Variants in NUF2 observed in about 807,000 individuals in gnomAD.
The protein encoded by NUF2 is NUF2 component of NDC80 kinetochore complex.
In NUF2, 34 loss-of-function variants were observed where a neutral mutation model predicts 61.8. The ratio of observed to expected loss-of-function variants is 0.55; its 90% CI spans 0.42 to 0.73. The LOEUF is 0.73. Ranked by LOEUF, NUF2 falls within the 30% of genes least tolerant of loss-of-function variation. The pLI is 0.00. For synonymous variants in NUF2, 172 were observed against 181.6 expected, an observed-to-expected ratio of 0.95 and a Z score of 0.42; for missense variants, 445 against 539.1, an observed-to-expected ratio of 0.83 and a Z score of 1.73.
intron 13 of NUF2, among the ~76,000 whole-genome samples, chr1:163,350,226 C>T (rs1338434706): frequency 1.3e-5 from 2 of 151,204 alleles, no homozygotes; most frequent in Non-Finnish European, 2.9e-5. Flanking sequence ...GGCGTGAACC[C>T]GGGAGGCAGA....
chr1:163,340,478 A>T (rs766753938), intron 9 of NUF2, 52 bp downstream of exon 9: 3 of 1,350,126 alleles, frequency 2.2e-6, no homozygotes, highest in Non-Finnish European at 3.1e-6. Flanking sequence ...TATTGTGTGG[A>T]GGAGTATTTT....
At chr1:163,336,317 A>G (rs2101676442) in intron 5 of NUF2, among the ~76,000 whole-genome samples, 1 of 152,274 alleles carries the variant, frequency 6.6e-6, no homozygotes, top group South Asian at 2.1e-4. Flanking sequence ...TTGACCCAGC[A>G]AGATGTACAA....
chr1:163,327,110 A>C, intron 2 of NUF2, among the ~76,000 whole-genome samples: 1 of 26,932 alleles, frequency 3.7e-5, no homozygotes, highest in Non-Finnish European at 1.1e-4. Flanking sequence ...ACACACACAC[A>C]CACACACACA....
At chr1:163,354,687 A>G (rs111310529) in intron 13 of NUF2, among the ~76,000 whole-genome samples, 3,347 of 152,234 alleles carry the variant, frequency 0.022, 103 homozygotes, top group African/African-American at 0.068. Context: ...GGTATTATGT[A>G]TATTATAGTT....
At chr1:163,354,844 A>T (rs1651436240) in intron 13 of NUF2, among the ~76,000 whole-genome samples, 1 of 152,078 alleles carries the variant, frequency 6.6e-6, no homozygotes, top group Non-Finnish European at 1.5e-5. Context: ...TAAAATTCTT[A>T]GCACATCCAT....
chr1:163,331,109 C>G (rs1247175768), intron 5 of NUF2, among the ~76,000 whole-genome samples: 2 of 150,132 alleles, frequency 1.3e-5, no homozygotes, highest in Non-Finnish European at 3.0e-5. Context: ...GTCATCATTA[C>G]CTTGTTTCTG....
chr1:163,352,719 A>T (rs1651362737), intron 13 of NUF2, among the ~76,000 whole-genome samples: 1 of 152,152 alleles, frequency 6.6e-6, no homozygotes, highest in Non-Finnish European at 1.5e-5. Flanking sequence ...ACAAAAAATT[A>T]GCCGGGCGTG....
In NUF2 at chr1:163,325,957, C is replaced by G. The variant is rs566945986; in HGVS notation, c.-20-75C>G. Reference sequence around the variant, plus strand: ...ATAGTTCAACTTTGGCTCATTTTGTCATTATGTTTATTAGTTTCCAGATAA... The same window carrying G: ...ATAGTTCAACTTTGGCTCATTTTGTGATTATGTTTATTAGTTTCCAGATAA... On this transcript the variant is annotated intron_variant, in intron 1 of 13. Coordinates refer to ENST00000271452, the MANE Select transcript of NUF2 (RefSeq NM_145697.3). The G allele has an allele frequency of 1.9e-4, 221 of 1,152,402 alleles. 3 individuals are homozygous for G. The South Asian group carries it at 3.0e-3, about 16-fold the overall frequency. 71.4% of individuals were successfully genotyped at this position (1,152,402 alleles called of 1,614,324 possible). A position where few individuals can be genotyped will look rare whatever the true frequency, so the allele number is the denominator to read the frequency against.
In NUF2 at chr1:163,339,467, A is replaced by G; in HGVS notation, c.596A>G (p.His199Arg). The change falls in exon 8 of 14, where the codon CAT becomes CGT. Residue 199 changes from histidine (H) to arginine (R), a missense_variant. Coordinates refer to ENST00000271452, the MANE Select transcript of NUF2 (RefSeq NM_145697.3). ...CAACAATCACTAAATCAGGATTTTC[A>G]TCAAAAAACGGTATCTGTTGTGAGG... ...ELQQSLNQDF[H>R]QKTIVLQEGN... The G allele has an allele frequency of 6.2e-7, 1 of 1,607,096 alleles. No individual in the cohort carries two copies. Among genetic ancestry groups the G allele is most frequent in the Non-Finnish European group, 8.5e-7 (1 of 1,174,090 alleles).
At chr1:163,332,395 A>C (rs1262169295) in intron 5 of NUF2, among the ~76,000 whole-genome samples, 2 of 152,150 alleles carry the variant, frequency 1.3e-5, no homozygotes, top group Non-Finnish European at 2.9e-5. Context: ...TATGGCCCAG[A>C]ATATGGTCTA....
At chr1:163,323,682 C>CAA (rs1650315380) in intron 1 of NUF2, among the ~76,000 whole-genome samples, 6 of 152,024 alleles carry the variant, frequency 3.9e-5, no homozygotes, top group Admixed American at 3.9e-4. Flanking sequence ...TTGTGCCACA[C>CAA]TGCACTCCAG....
chr1:163,324,204 T>C (rs539363802), intron 1 of NUF2, among the ~76,000 whole-genome samples: 1 of 152,322 alleles, frequency 6.6e-6, no homozygotes, highest in African/African-American at 2.4e-5. Context: ...AGAGGTGTAA[T>C]AGCTTTCTTC....
At chr1:163,329,461 A>T (rs1650530207) in intron 5 of NUF2, among the ~76,000 whole-genome samples, 2 of 152,176 alleles carry the variant, frequency 1.3e-5, no homozygotes. Context: ...AAGGGATTTA[A>T]TTGGCTCACA....
At chr1:163,335,546 T>C (rs1458083780) in intron 5 of NUF2, among the ~76,000 whole-genome samples, 5 of 152,140 alleles carry the variant, frequency 3.3e-5, no homozygotes. Flanking sequence ...ATAATGTGAC[T>C]TTTAGGTGTT....
chr1:163,342,811 GC>G (rs1650990782), intron 9 of NUF2, among the ~76,000 whole-genome samples: 1 of 151,996 alleles, frequency 6.6e-6, no homozygotes, highest in Admixed American at 6.5e-5. Flanking sequence ...AACATCATAT[GC>G]ATACACATAT....
At chr1:163,334,537 A>G (rs572779184) in intron 5 of NUF2, among the ~76,000 whole-genome samples, 20 of 152,294 alleles carry the variant, frequency 1.3e-4, no homozygotes, top group African/African-American at 4.3e-4. Context: ...TCACTTTGAG[A>G]GGCCAAGGTG....
chr1:163,338,132 A>G (rs780095173), intron 7 of NUF2, 39 bp downstream of exon 7: 118 of 1,476,410 alleles, frequency 8.0e-5, no homozygotes, highest in Non-Finnish European at 1.1e-4. Context: ...ATGCAATTTC[A>G]AAATGCAAAA....
At chr1:163,346,446 C>T (rs773047624) in intron 11 of NUF2, among the ~76,000 whole-genome samples, 4 of 152,122 alleles carry the variant, frequency 2.6e-5, no homozygotes, top group Non-Finnish European at 5.9e-5. Flanking sequence ...TAAGGATCAT[C>T]TGCTTCAGGT....
chr1:163,327,459 G>T, intron 2 of NUF2, 29 bp from the exon 3 acceptor site: 2 of 1,211,662 alleles, frequency 1.7e-6, no homozygotes, highest in South Asian at 2.4e-5. Flanking sequence ...GTTATGCATC[G>T]GAGTATTCAA....
Sources: gnomAD v4.1 joint callset for allele counts (sites outside exome capture counted in the v4.1 genomes callset) on GRCh38, gnomAD v4.1.1 for gene constraint, MANE v1.5 for transcripts, NCBI Gene and HGNC (gene_info 2026-07-23, HGNC 2026-07-21) for gene names.